COBL: variants seen among roughly 807,000 people sequenced by gnomAD.
The protein encoded by COBL is cordon-bleu WH2 repeat protein.
Under a neutral mutation model 98.8 loss-of-function variants are expected in COBL, and 51 were observed. The ratio of observed to expected loss-of-function variants is 0.52; its 90% CI spans 0.41 to 0.65. COBL has a LOEUF of 0.65. Among genes scored for constraint, COBL ranks in the 30% least tolerant of loss-of-function variants. The pLI is 0.00. For missense variants in COBL, 1,617 were observed against 1,617.5 expected (o/e 1.00, Z 0.01); for synonymous variants, 634 against 651.7 (o/e 0.97, Z 0.41).
At chr7:51,288,959 G>A (rs972162037) in intron 1 of COBL, among the ~76,000 whole-genome samples, 1 of 152,050 alleles carries the variant, frequency 6.6e-6, no homozygotes, top group African/African-American at 2.4e-5. Context: ...AAACTGTAAA[G>A]AACAATATAA....
intron 1 of COBL, among the ~76,000 whole-genome samples, chr7:51,248,930 C>T (rs1314653554): frequency 6.6e-6 from 1 of 152,098 alleles, no homozygotes; most frequent in Non-Finnish European, 1.5e-5. Context: ...ATCGTCTGAA[C>T]AAAAATTTAC....
intron 6 of COBL, among the ~76,000 whole-genome samples, chr7:51,101,040 A>C (rs1199163398): frequency 2.0e-5 from 3 of 152,214 alleles, no homozygotes; most frequent in Non-Finnish European, 4.4e-5. Context: ...CAATTTGGAG[A>C]AGCATTAAAC....
intron 1 of COBL, among the ~76,000 whole-genome samples, chr7:51,275,516 A>C (rs1013331086): frequency 1.3e-5 from 2 of 152,100 alleles, no homozygotes; most frequent in African/African-American, 4.8e-5. Context: ...ACCGCAGCCC[A>C]TGCAGAGCAG....
intron 7 of COBL, among the ~76,000 whole-genome samples, chr7:51,055,157 TTC>T (rs1790616473): frequency 6.6e-6 from 1 of 152,194 alleles, no homozygotes; most frequent in Non-Finnish European, 1.5e-5. Flanking sequence ...AGTCCTTATC[TTC>T]CCGCAAGGGC....
At chr7:51,017,729 C>A (rs898776590) in intron 12 of COBL, among the ~76,000 whole-genome samples, 161 bp from the exon 13 acceptor site, 6 of 149,126 alleles carry the variant, frequency 4.0e-5, no homozygotes, top group African/African-American at 7.8e-5. Context: ...GTGATCAGGG[C>A]TGTCCTCACA....
chr7:51,297,988 C>T (rs112341666), intron 1 of COBL, among the ~76,000 whole-genome samples: 126 of 152,280 alleles, frequency 8.3e-4, no homozygotes, highest in African/African-American at 2.9e-3. Context: ...ATTTCCCTCC[C>T]GAGTGTGGGC....
intron 5 of COBL, among the ~76,000 whole-genome samples, chr7:51,163,494 G>A (rs1244045400): frequency 1.3e-5 from 2 of 152,188 alleles, no homozygotes; most frequent in Admixed American, 6.5e-5. Context: ...TTTAAGTGCT[G>A]TACTGCCCTA....
At chr7:51,087,139 G>C (rs201578720) in intron 6 of COBL, among the ~76,000 whole-genome samples, 12 of 126,098 alleles carry the variant, frequency 9.5e-5, no homozygotes, top group South Asian at 2.6e-4. Flanking sequence ...CACACACACA[G>C]AGACATACAC....
At position 51,132,076 on chromosome 7, in the gene COBL, G is replaced by A. The variant is rs1163129950; in HGVS notation, c.957+4082C>T. Among the ~76,000 whole-genome samples, 4 of 152,322 alleles carry A rather than the reference G, an allele frequency of 2.6e-5. No individual in the cohort carries two copies. The East Asian group carries it at 7.7e-4, about 29-fold the overall frequency. ...CAGAATGAACCTGCTGCAGCGCCTT[G>A]GTGATTTTTTAATTGTACATTTGGT... On this transcript the variant is annotated intron_variant, in intron 6 of 12. Coordinates refer to ENST00000265136, the MANE Select transcript of COBL (RefSeq NM_015198.5).
At chr7:51,259,444 G>A in intron 1 of COBL, 1 of 512,614 alleles carries the variant, frequency 2.0e-6, no homozygotes, top group South Asian at 2.0e-5. Flanking sequence ...TCAGCTGGTG[G>A]ATGAGCTGAT....
At chr7:51,110,839 C>T (rs1038655612) in intron 6 of COBL, among the ~76,000 whole-genome samples, 16 of 152,250 alleles carry the variant, frequency 1.1e-4, no homozygotes, top group Admixed American at 1.0e-3. Flanking sequence ...TCTCCAATCT[C>T]ATCCAGGTCA....
At position 51,115,730 on chromosome 7, in the gene COBL, T is replaced by C. The variant is rs138824947; in HGVS notation, c.957+20428A>G. Among the ~76,000 whole-genome samples, 531 of 152,218 alleles carry C rather than the reference T, an allele frequency of 3.5e-3. 1 individual carries two copies. The highest frequency in any genetic ancestry group is 0.012 in the African/African-American group (511 of 41,562). ...TAGTGTTCTATAAATATCATTTATA[T>C]GGATAGTTGGTAGTGTTGGTCAGAT... On this transcript the variant is annotated intron_variant, in intron 6 of 12. Transcript: ENST00000265136.
intron 1 of COBL, among the ~76,000 whole-genome samples, chr7:51,230,081 G>C (rs11770658): frequency 0.64 from 96,891 of 151,980 alleles, 31,203 homozygotes; most frequent in East Asian, 0.8. Context: ...CGCTCCCCCA[G>C]CAGGGAAGAG....
At chr7:51,149,926 A>G (rs1229818246) in intron 5 of COBL, among the ~76,000 whole-genome samples, 1 of 152,194 alleles carries the variant, frequency 6.6e-6, no homozygotes, top group Admixed American at 6.5e-5. Flanking sequence ...CAACCAGCCC[A>G]GAATGTCTAA....
chr7:51,113,464 C>T (rs934616395), intron 6 of COBL, among the ~76,000 whole-genome samples: 31 of 152,122 alleles, frequency 2.0e-4, no homozygotes, highest in Non-Finnish European at 4.1e-4. Context: ...TCTTAAAAAA[C>T]ATTGTTAAGA....
In COBL at chr7:51,028,442, A is replaced by G. The variant is rs748692813; in HGVS notation, c.2654T>C (p.Val885Ala). 1 of 1,614,252 alleles carries G rather than the reference A, an allele frequency of 6.2e-7. No homozygotes were observed. Among genetic ancestry groups the G allele is most frequent in the Non-Finnish European group, 8.5e-7 (1 of 1,180,044 alleles). ...CTCGGCATAACCGTGTGGCCTCACC[A>G]CATCAGCATGGACTTTTGGGGCTCC... ...RIGAPKVHAD[V>A]VRPHGYAEKG... The change falls in exon 10 of 13, where the codon GTG becomes GCG. Residue 885 changes from valine (V) to alanine (A), a missense_variant. By Grantham distance (64) the Val-to-Ala change is moderately conservative. Around this residue, in one of 3 missense-constraint regions of COBL, gnomAD observed 1,304 missense variants for 1,282.0 expected, o/e 1.02. Transcript: ENST00000265136.
At chr7:51,233,847 C>A (rs564435071) in intron 1 of COBL, among the ~76,000 whole-genome samples, 1 of 152,292 alleles carries the variant, frequency 6.6e-6, no homozygotes, top group Admixed American at 6.5e-5. Flanking sequence ...TCGTTGCAAT[C>A]CCACTAACAA....
rs180808979 is a variant in COBL at position 51,211,536 on chromosome 7, C to A, written c.245+8205G>T. On this transcript the variant is annotated intron_variant, in intron 2 of 12. Transcript: ENST00000265136. ...AAATAAATGAGTTAATTTGCTCCCA[C>A]CTTTTCTATTTTGGATTCTACATAG... 8.8e-4 allele frequency among the ~76,000 whole-genome samples: 134 copies of A among 152,342 alleles called. No individual in the cohort carries two copies. In the Middle Eastern group the frequency reaches 0.01, roughly 12 times the overall value.
intron 7 of COBL, among the ~76,000 whole-genome samples, 199 bp downstream of exon 7, chr7:51,084,967 A>G (rs1439074490): frequency 6.6e-6 from 1 of 152,156 alleles, no homozygotes; most frequent in African/African-American, 2.4e-5. Context: ...AAATGCTCAC[A>G]TAATGCCCAC....
Sources: gnomAD v4.1 joint callset for allele counts (sites outside exome capture counted in the v4.1 genomes callset) on GRCh38, gnomAD v4.1.1 for gene constraint, gnomAD v4.1.1 regional missense constraint, MANE v1.5 for transcripts, NCBI Gene and HGNC (gene_info 2026-07-23, HGNC 2026-07-21) for gene names.